LHFPL6: variants seen among roughly 807,000 people sequenced by gnomAD.
The protein encoded by LHFPL6 is LHFPL tetraspan subfamily member 6 protein.
LHFPL6 carries 9 observed loss-of-function variants against 20.6 expected under a neutral mutation model. The ratio of observed to expected loss-of-function variants is 0.44; its 90% CI spans 0.26 to 0.76. The LOEUF (loss-of-function observed/expected upper bound fraction) is 0.76, where lower values mean the gene tolerates loss of function less well. Among genes scored for constraint, LHFPL6 ranks in the 30% least tolerant of loss-of-function variants. LHFPL6 has a pLI of 0.20. For missense variants in LHFPL6, 218 were observed against 253.5 expected, an observed-to-expected ratio of 0.86 and a Z score of 0.95; for synonymous variants, 105 against 98.7, an observed-to-expected ratio of 1.06 and a Z score of -0.38.
At chr13:39,382,966 ATGAT>A (rs1870480215) in intron 2 of LHFPL6, among the ~76,000 whole-genome samples, 2 of 152,214 alleles carry the variant, frequency 1.3e-5, no homozygotes. Context: ...TACAAACCGT[ATGAT>A]CAGGCTAATT....
intron 2 of LHFPL6, among the ~76,000 whole-genome samples, chr13:39,540,755 A>T (rs1169333982): frequency 6.6e-6 from 1 of 152,054 alleles, no homozygotes; most frequent in Non-Finnish European, 1.5e-5. Flanking sequence ...ATAGAAACAC[A>T]CTCCTTTCAA....
chr13:39,479,982 C>G (rs982679831), intron 2 of LHFPL6, among the ~76,000 whole-genome samples: 1 of 152,118 alleles, frequency 6.6e-6, no homozygotes, highest in Non-Finnish European at 1.5e-5. Flanking sequence ...CTTCTTTTTT[C>G]GATCCACATT....
At chr13:39,382,649 A>C (rs1020440173) in intron 2 of LHFPL6, among the ~76,000 whole-genome samples, 1 of 152,120 alleles carries the variant, frequency 6.6e-6, no homozygotes, top group African/African-American at 2.4e-5. Flanking sequence ...CAGCCTCCCA[A>C]ACTGCTGGGA....
intron 2 of LHFPL6, among the ~76,000 whole-genome samples, chr13:39,492,284 G>A (rs1023303285): frequency 6.6e-5 from 10 of 152,120 alleles, no homozygotes; most frequent in African/African-American, 2.4e-4. Flanking sequence ...AAAAACTCTA[G>A]AGCATATGAA....
chr13:39,439,044 G>C (rs902900840), intron 2 of LHFPL6, among the ~76,000 whole-genome samples: 1 of 152,132 alleles, frequency 6.6e-6, no homozygotes, highest in Non-Finnish European at 1.5e-5. Flanking sequence ...ACCCCAGAAT[G>C]TTAGATCCAT....
chr13:39,591,184 G>A (rs1872580621), intron 2 of LHFPL6, among the ~76,000 whole-genome samples: 1 of 152,180 alleles, frequency 6.6e-6, no homozygotes, highest in South Asian at 2.1e-4. Flanking sequence ...TCAAAACGGG[G>A]AAAAACTGAT....
chr13:39,430,123 C>T (rs1460687237), intron 2 of LHFPL6, among the ~76,000 whole-genome samples: 3 of 152,228 alleles, frequency 2.0e-5, no homozygotes, highest in Non-Finnish European at 2.9e-5. Context: ...TTAAATACTA[C>T]TGCAGTGTAT....
intron 2 of LHFPL6, among the ~76,000 whole-genome samples, chr13:39,445,763 A>G (rs972326733): frequency 6.6e-6 from 1 of 152,242 alleles, no homozygotes; most frequent in Non-Finnish European, 1.5e-5. Flanking sequence ...ATAGCAACTC[A>G]GAGTCTTTCA....
chr13:39,581,992 A>T (rs1408750548), intron 2 of LHFPL6, among the ~76,000 whole-genome samples: 1 of 152,194 alleles, frequency 6.6e-6, no homozygotes, highest in Admixed American at 6.5e-5. Context: ...AAATCTATGT[A>T]TTTTACCCTG....
intron 3 of LHFPL6, among the ~76,000 whole-genome samples, chr13:39,354,988 G>C (rs1377897139): frequency 6.6e-6 from 1 of 151,084 alleles, no homozygotes; most frequent in Non-Finnish European, 1.5e-5. Context: ...CACAGTTGAG[G>C]ATATAGTCTA....
chr13:39,376,309 CA>C (rs1291399023), intron 3 of LHFPL6, among the ~76,000 whole-genome samples: 1 of 151,722 alleles, frequency 6.6e-6, no homozygotes, highest in Non-Finnish European at 1.5e-5. Flanking sequence ...GTTTGCTTTC[CA>C]AAAAAAAGCT....
At chr13:39,554,514 T>C (rs1475177) in intron 2 of LHFPL6, among the ~76,000 whole-genome samples, 52,948 of 152,088 alleles carry the variant, frequency 0.35, 9,645 homozygotes, top group African/African-American at 0.47. Flanking sequence ...TGTTTCATTA[T>C]CTGATCCCAA....
chr13:39,530,938 C>T (rs1197028666), intron 2 of LHFPL6, among the ~76,000 whole-genome samples: 1 of 139,476 alleles, frequency 7.2e-6, no homozygotes, highest in Non-Finnish European at 1.6e-5. Flanking sequence ...CAAGCAGAAA[C>T]TCCACCGAGA....
intron 2 of LHFPL6, among the ~76,000 whole-genome samples, chr13:39,394,396 G>A (rs368300435): frequency 1.2e-3 from 185 of 152,300 alleles, no homozygotes; most frequent in African/African-American, 4.0e-3. Flanking sequence ...CTTGTGGGGG[G>A]CAAGTTCAAA....
In LHFPL6 at chr13:39,595,058, G is replaced by A. The variant is rs1232642144; in HGVS notation, c.385+5774C>T. Among the ~76,000 whole-genome samples the A allele has an allele frequency of 5.9e-5, 9 of 151,996 alleles. No homozygotes were observed. In the South Asian group the frequency reaches 1.2e-3, roughly 21 times the overall value. On this transcript the variant is annotated intron_variant, in intron 2 of 3. Transcript: ENST00000379589. ...GGTGCAGCACACCAACATGGCACAT[G>A]TATACATAGGTAACAAACCTGCACG... is the stretch of plus-strand genomic sequence containing the variant.
At chr13:39,511,272 T>G (rs1869696447) in intron 2 of LHFPL6, among the ~76,000 whole-genome samples, 1 of 152,238 alleles carries the variant, frequency 6.6e-6, no homozygotes, top group African/African-American at 2.4e-5. Context: ...TTTTCAAATC[T>G]TAACATTTTG....
intron 2 of LHFPL6, among the ~76,000 whole-genome samples, chr13:39,479,028 G>GAT (rs1868403551): frequency 7.9e-6 from 1 of 127,130 alleles, no homozygotes; most frequent in African/African-American, 2.9e-5. Flanking sequence ...ACCAATGGGA[G>GAT]ATAGATATAG....
chr13:39,536,050 CA>C (rs1566135481), intron 2 of LHFPL6, among the ~76,000 whole-genome samples: 1 of 152,170 alleles, frequency 6.6e-6, no homozygotes, highest in Non-Finnish European at 1.5e-5. Flanking sequence ...TCAACTTATA[CA>C]TTCAATGTGT....
At chr13:39,467,587 T>C (rs1056834663) in intron 2 of LHFPL6, among the ~76,000 whole-genome samples, 1 of 152,162 alleles carries the variant, frequency 6.6e-6, no homozygotes, top group Non-Finnish European at 1.5e-5. Context: ...ACCTGGAAAC[T>C]AGATCCACCA....
Sources: gnomAD v4.1 joint callset for allele counts (sites outside exome capture counted in the v4.1 genomes callset) on GRCh38, gnomAD v4.1.1 for gene constraint, MANE v1.5 for transcripts, NCBI Gene and HGNC (gene_info 2026-07-23, HGNC 2026-07-21) for gene names.